CTNNA2: variants seen among roughly 807,000 people sequenced by gnomAD.
CTNNA2 encodes the protein catenin alpha-2.
In CTNNA2, 42 loss-of-function variants were observed where a neutral mutation model predicts 101.0. That is an observed-to-expected ratio of 0.42 (90% confidence interval 0.32 to 0.54). The LOEUF (loss-of-function observed/expected upper bound fraction) is 0.54, where lower values mean the gene tolerates loss of function less well. CTNNA2 is among the 20% of genes least tolerant of loss of function. The pLI is 0.14. For missense variants in CTNNA2, 871 were observed against 1,223.1 expected (o/e 0.71, Z 4.29); for synonymous variants, 450 against 456.4 (o/e 0.99, Z 0.18).
At chr2:80,311,041 C>T (rs1677526184) in intron 7 of CTNNA2, among the ~76,000 whole-genome samples, 2 of 151,454 alleles carry the variant, frequency 1.3e-5, no homozygotes, top group Admixed American at 1.3e-4. Flanking sequence ...CATGAAGTCA[C>T]CTAAAATTCA....
intron 7 of CTNNA2, among the ~76,000 whole-genome samples, chr2:80,053,293 G>C (rs1476609483): frequency 6.6e-6 from 1 of 152,106 alleles, no homozygotes; most frequent in African/African-American, 2.4e-5. Flanking sequence ...AGTTAGATAT[G>C]TTCAAAAAGT....
At chr2:79,341,025 C>CATAT (rs144887817) in intron 3 of CTNNA2, among the ~76,000 whole-genome samples, 6 of 150,822 alleles carry the variant, frequency 4.0e-5, no homozygotes, top group African/African-American at 1.2e-4. Context: ...TTAAACGCTA[C>CATAT]ATATATATAT....
At chr2:80,423,622 A>G (rs1024792696) in intron 9 of CTNNA2, among the ~76,000 whole-genome samples, 1 of 152,164 alleles carries the variant, frequency 6.6e-6, no homozygotes, top group Non-Finnish European at 1.5e-5. Flanking sequence ...CCCCCAACAC[A>G]TCCAAAATCC....
At chr2:79,760,431 A>G (rs569301334) in intron 3 of CTNNA2, among the ~76,000 whole-genome samples, 2 of 152,182 alleles carry the variant, frequency 1.3e-5, no homozygotes, top group African/African-American at 4.8e-5. Context: ...TCCACCATCT[A>G]TAGGACAGTC....
chr2:79,853,234 G>A (rs147778623), intron 3 of CTNNA2, among the ~76,000 whole-genome samples: 188 of 151,788 alleles, frequency 1.2e-3, no homozygotes, highest in African/African-American at 4.2e-3. Flanking sequence ...GTTCACTGCA[G>A]CCTCAAACTC....
intron 3 of CTNNA2, among the ~76,000 whole-genome samples, chr2:79,368,674 GCA>G (rs1677803494): frequency 6.6e-6 from 1 of 152,086 alleles, no homozygotes; most frequent in African/African-American, 2.4e-5. Context: ...GTGGGAGGTG[GCA>G]CACACACAGC....
At chr2:79,965,623 A>G (rs1171432263) in intron 7 of CTNNA2, among the ~76,000 whole-genome samples, 2 of 152,236 alleles carry the variant, frequency 1.3e-5, no homozygotes, top group East Asian at 3.9e-4. Context: ...CAGGAGTTTA[A>G]GACCAGCCTG....
intron 8 of CTNNA2, among the ~76,000 whole-genome samples, chr2:80,415,731 A>T (rs1403107724): frequency 6.6e-6 from 1 of 152,110 alleles, no homozygotes; most frequent in Non-Finnish European, 1.5e-5. Context: ...CTGCACCCCT[A>T]TGTTTATTGC....
chr2:79,863,929 G>A (rs1403545602), intron 4 of CTNNA2, among the ~76,000 whole-genome samples: 3 of 152,124 alleles, frequency 2.0e-5, no homozygotes, highest in Non-Finnish European at 2.9e-5. Flanking sequence ...ATTGCACAGC[G>A]GGGCATACTG....
intron 7 of CTNNA2, among the ~76,000 whole-genome samples, chr2:80,175,409 T>A (rs897026441): frequency 2.0e-5 from 3 of 152,216 alleles, no homozygotes; most frequent in African/African-American, 7.2e-5. Flanking sequence ...CACTATTGTA[T>A]TCTCAGTGTC....
chr2:79,374,541 G>A lies in CTNNA2; in HGVS notation c.-135+528G>A, dbSNP rs113953803. On this transcript the variant is annotated intron_variant, in intron 4 of 21. Coordinates refer to the CTNNA2 transcript ENST00000466387. ...ATATATTTTTCTATTGTGCTTCTTC[G>A]GTTTTACATTTAGTCAACATTCTCT... is the stretch of plus-strand genomic sequence containing the variant. Among the ~76,000 whole-genome samples, 6 of 151,568 alleles carry A rather than the reference G, an allele frequency of 4.0e-5. No individual in the cohort carries two copies. The East Asian group carries it at 7.7e-4, about 20-fold the overall frequency.
chr2:79,509,011 A>G (rs1671478495), upstream of CTNNA2, among the ~76,000 whole-genome samples: 1 of 78,352 alleles, frequency 1.3e-5, no homozygotes, highest in South Asian at 3.6e-4. Context: ...ATATATATAT[A>G]TAAACAATTA....
chr2:80,515,578 T>C (rs1311328274), intron 9 of CTNNA2, among the ~76,000 whole-genome samples: 1 of 152,220 alleles, frequency 6.6e-6, no homozygotes, highest in Non-Finnish European at 1.5e-5. Context: ...GACATTGGGA[T>C]CTTATTCTCT....
chr2:79,299,697 T>C (rs577120824), intron 2 of CTNNA2, among the ~76,000 whole-genome samples: 8 of 152,352 alleles, frequency 5.3e-5, no homozygotes, highest in African/African-American at 1.4e-4. Context: ...GGTAAACTTC[T>C]GACCTAATAA....
At chr2:79,393,772 CA>C (rs1464552436) in intron 4 of CTNNA2, among the ~76,000 whole-genome samples, 1 of 152,010 alleles carries the variant, frequency 6.6e-6, no homozygotes, top group Non-Finnish European at 1.5e-5. Flanking sequence ...ATCACAGCTC[CA>C]ATCAAGAACT....
intron 4 of CTNNA2, among the ~76,000 whole-genome samples, chr2:79,392,311 G>A (rs1452566556): frequency 6.6e-6 from 1 of 152,096 alleles, no homozygotes; most frequent in African/African-American, 2.4e-5. Context: ...AGTAATTTTG[G>A]GGTGAGGTTC....
At chr2:80,500,406 C>A (rs1329755765) in intron 9 of CTNNA2, among the ~76,000 whole-genome samples, 1 of 152,134 alleles carries the variant, frequency 6.6e-6, no homozygotes, top group African/African-American at 2.4e-5. Context: ...CACCCATCCG[C>A]CTACCCATCT....
At chr2:79,869,752 CT>C in intron 4 of CTNNA2, 63 bp from the exon 5 acceptor site, 1 of 1,561,184 alleles carries the variant, frequency 6.4e-7, no homozygotes, top group South Asian at 1.2e-5. Flanking sequence ...AATTCCATTT[CT>C]AACATGTTGA....
intron 2 of CTNNA2, among the ~76,000 whole-genome samples, chr2:79,214,543 G>T (rs1458788606): frequency 6.6e-6 from 1 of 152,096 alleles, no homozygotes; most frequent in Non-Finnish European, 1.5e-5. Context: ...CTTTTAAAGC[G>T]TGCTATGGGA....
Sources: allele counts gnomAD v4.1 joint callset (sites outside exome capture counted in the v4.1 genomes callset), GRCh38; gene constraint gnomAD v4.1.1; transcripts MANE v1.5; gene names NCBI Gene and HGNC (gene_info 2026-07-23, HGNC 2026-07-21).